Variants in ZNF22 observed in about 807,000 individuals in gnomAD.
ZNF22 encodes the protein zinc finger protein 22, also known as krox-26 protein.
In ZNF22, 15 loss-of-function variants were observed where a neutral mutation model predicts 17.0. That is an observed-to-expected ratio of 0.88 (90% confidence interval 0.59 to 1.36). The LOEUF (loss-of-function observed/expected upper bound fraction) is 1.36. Among genes scored for constraint, ZNF22 ranks in the 40% most tolerant of loss-of-function variants. The pLI, the probability that ZNF22 is intolerant of heterozygous loss-of-function variation, is 0.00. For missense variants in ZNF22, 272 were observed against 276.1 expected (o/e 0.98, Z 0.11); for synonymous variants, 84 against 90.7 (o/e 0.93, Z 0.42).
At chr10:45,002,446 C>T (rs1020353556) in intron 1 of ZNF22, 3 of 152,132 alleles carry the variant, frequency 2.0e-5, no homozygotes, top group African/African-American at 7.2e-5. Context: ...TCATTTTCTC[C>T]CCCCTCTCCT....
chr10:45,003,541 CTGAATGTGAAAAGAGTT>C lies in ZNF22; in HGVS notation c.175_191del (p.Glu59GlnfsTer20). ...TTGGATGACAAACCCTATAAATGTACTGAATGTGAAAAGAGTTTCAGTCAGAGTTCAACTCTTTTTCA... is the reference window on the plus strand; with the variant it reads ...TTGGATGACAAACCCTATAAATGTACTCAGTCAGAGTTCAACTCTTTTTCA... On this transcript the variant is annotated frameshift_variant, in exon 2 of 2. Coordinates refer to ENST00000298299, the MANE Select transcript of ZNF22 (RefSeq NM_006963.5). LOFTEE classifies it high-confidence loss of function. The C allele has an allele frequency of 6.2e-7, 1 of 1,614,230 alleles. No individual in the cohort carries two copies. The highest frequency in any genetic ancestry group is 8.5e-7 in the Non-Finnish European group (1 of 1,180,022).
In ZNF22 at chr10:45,003,674, A is replaced by C. The variant is rs146334981; in HGVS notation, c.306A>C (p.Arg102=). The change falls in exon 2 of 2, where the codon CGA becomes CGC. Residue 102 remains arginine (R), a synonymous_variant. Transcript: ENST00000298299. ...AGAGTTCTAATCTCATTCAGCATCGACGGATCCATACGGGGGAAAAGCCCT... is the reference window on the plus strand; with the variant it reads ...AGAGTTCTAATCTCATTCAGCATCGCCGGATCCATACGGGGGAAAAGCCCT... The part of the protein sequence containing the change: ...FFQSSNLIQH[R]RIHTGEKPYK... The C allele has an allele frequency of 3.1e-6, 5 of 1,614,250 alleles. No homozygotes were observed. The highest frequency in any genetic ancestry group is 4.2e-6 in the Non-Finnish European group (5 of 1,180,050).
At position 45,004,096 on chromosome 10, in the gene ZNF22, A is replaced by G. The variant is rs1842355365; in HGVS notation, c.*53A>G. ...GACCTCTTAAGAAAAAATAAAAAGTAAAAAATGAAAGGAATCTTTTTTAGA... is the reference window on the plus strand; with the variant it reads ...GACCTCTTAAGAAAAAATAAAAAGTGAAAAATGAAAGGAATCTTTTTTAGA... On this transcript the variant is annotated 3_prime_UTR_variant, in exon 2 of 2. Coordinates refer to ENST00000298299, the MANE Select transcript of ZNF22 (RefSeq NM_006963.5). 1 of 1,509,386 alleles carries G rather than the reference A, an allele frequency of 6.6e-7. No individual in the cohort carries two copies. Among genetic ancestry groups the G allele is most frequent in the South Asian group, 1.3e-5 (1 of 74,278 alleles). 93.5% of individuals were successfully genotyped at this position (1,509,386 alleles called of 1,614,324 possible).
At position 45,004,891 on chromosome 10, in the gene ZNF22, A is replaced by G. The variant is rs542047489; in HGVS notation, c.*848A>G. Reference sequence around the variant, plus strand: ...TCTTCTGGCATTCTCCTGTGCTCTGACAAACTGAGCCAGCCTTTTAGATCT... The same window carrying G: ...TCTTCTGGCATTCTCCTGTGCTCTGGCAAACTGAGCCAGCCTTTTAGATCT... On this transcript the variant is annotated 3_prime_UTR_variant, in exon 2 of 2. Transcript: ENST00000298299. The G allele has an allele frequency of 6.0e-6, 1 of 167,168 alleles. No individual in the cohort carries two copies. The highest frequency in any genetic ancestry group is 1.9e-4 in the East Asian group (1 of 5,192). The allele number at this position is 167,168 out of a possible 1,614,324, so 10.4% of individuals were successfully genotyped here.
chr10:45,003,824 C>G lies in ZNF22; in HGVS notation c.456C>G (p.Ser152=), dbSNP rs3740092. 0.049 allele frequency: 78,713 copies of G among 1,614,094 alleles called. 2,148 individuals are homozygous for G. Among genetic ancestry groups the G allele is most frequent in the East Asian group, 0.08 (3,591 of 44,872 alleles). ...DECGRCFSQS[S]HLIQHQRTHT... is the part of the protein sequence containing the mutation. Reference sequence around the variant, plus strand: ...GTGGCCGGTGTTTCAGCCAGAGCTCCCACCTTATTCAACATCAGAGAACCC... The same window carrying G: ...GTGGCCGGTGTTTCAGCCAGAGCTCGCACCTTATTCAACATCAGAGAACCC... Residue 152 remains serine (S), a synonymous_variant, in exon 2 of 2, where the codon TCC becomes TCG. Coordinates refer to ENST00000298299, the MANE Select transcript of ZNF22 (RefSeq NM_006963.5).
intron 1 of ZNF22, 51 bp downstream of exon 1, chr10:45,001,029 G>A (rs1320458477): frequency 8.0e-6 from 2 of 250,226 alleles, no homozygotes; most frequent in African/African-American, 2.3e-5. Flanking sequence ...TCGGATACTC[G>A]GGTCCGCTCG....
In ZNF22 at chr10:45,003,405, A is replaced by C. The variant is rs1245279731; in HGVS notation, c.37A>C (p.Ser13Arg). The C allele has an allele frequency of 6.2e-7, 1 of 1,610,878 alleles. No individual in the cohort carries two copies. Among genetic ancestry groups the C allele is most frequent in the Non-Finnish European group, 8.5e-7 (1 of 1,178,528 alleles). ...LAKPKAGISR[S>R]SSQGKAYENK... ...AAAGCCTAAAGCGGGTATTTCTCGG[A>C]GCTCAAGCCAAGGAAAGGCCTATGA... The change falls in exon 2 of 2, where the codon AGC (serine) becomes CGC (arginine). Residue 13 changes from serine to arginine, a missense_variant. Coordinates refer to ENST00000298299, the MANE Select transcript of ZNF22 (RefSeq NM_006963.5).
chr10:45,003,048 CAGTCAAAATTTGGTGATATTTGTTA>C (rs1022909317), intron 1 of ZNF22: 8 of 213,720 alleles, frequency 3.7e-5, no homozygotes, highest in African/African-American at 1.8e-4. Context: ...GTGGTAAACT[CAGTCAAAATTTGGTGATATTTGTTA>C]AGCTTAAACT....
At position 45,005,126 on chromosome 10, in the gene ZNF22, AGGAGTCC is replaced by A. The variant is rs764159689; in HGVS notation, c.*1086_*1092del. 5.3e-4 allele frequency: 88 copies of A among 167,098 alleles called. No individual in the cohort carries two copies. The highest frequency in any genetic ancestry group is 1.2e-3 in the Admixed American group (18 of 15,314). The allele number at this position is 167,098 out of a possible 1,614,324, so 10.4% of individuals were successfully genotyped here. A position where few individuals can be genotyped will look rare whatever the true frequency, so the allele number is the denominator to read the frequency against. ...TTTCTGTGTTACATGAATTGTTTTA[AGGAGTCC>A]GGCAAACATGTTTCTTCACTTCCAT... On this transcript the variant is annotated 3_prime_UTR_variant, in exon 2 of 2. Transcript: ENST00000298299.
rs148806171 is a variant in ZNF22, at chr10:45,003,890, A to T, written c.522A>T (p.Lys174Asn). Residue 174 changes from lysine (K) to asparagine (N), a missense_variant, in exon 2 of 2, where the codon AAA (lysine) becomes AAT (asparagine). Coordinates refer to ENST00000298299, the MANE Select transcript of ZNF22 (RefSeq NM_006963.5). ...CCTACCAGTGCAGTGAATGTGGCAA[A>T]TGTTTCAGTCAGAGCTCTCATCTGA... is the stretch of plus-strand genomic sequence containing the variant. The part of the protein sequence containing the change: ...EKPYQCSECG[K>N]CFSQSSHLRQ... 1.2e-6 allele frequency: 2 copies of T among 1,614,164 alleles called. No individual in the cohort carries two copies. Among genetic ancestry groups the T allele is most frequent in the Admixed American group, 3.3e-5 (2 of 60,026 alleles).
In ZNF22 at chr10:45,003,392, G is replaced by T. The variant is rs775772318; in HGVS notation, c.24G>T (p.Ala8=). ...CCATGAGGTTAGCAAAGCCTAAAGC[G>T]GGTATTTCTCGGAGCTCAAGCCAAG... MRLAKPK[A]GISRSSSQGK... The change falls in exon 2 of 2, where the codon GCG becomes GCT. Residue 8 remains alanine, a synonymous_variant. Transcript: ENST00000298299. 6.2e-7 allele frequency: 1 copy of T among 1,609,330 alleles called. No homozygotes were observed. The highest frequency in any genetic ancestry group is 1.1e-5 in the South Asian group (1 of 90,478).
rs772961882 is a variant in ZNF22, at chr10:45,004,592, A to T, written c.*549A>T. 1.8e-5 allele frequency: 3 copies of T among 167,066 alleles called. No individual in the cohort carries two copies. The highest frequency in any genetic ancestry group is 2.9e-5 in the Non-Finnish European group (2 of 68,454). The allele number at this position is 167,066 out of a possible 1,614,324, so 10.3% of individuals were successfully genotyped here. ...AATGTATTCAAGCTCACAGATTTTT[A>T]ATCAGTAAGGCCTATCTATATTAGT... On this transcript the variant is annotated 3_prime_UTR_variant, in exon 2 of 2. Coordinates refer to ENST00000298299, the MANE Select transcript of ZNF22 (RefSeq NM_006963.5).
At position 45,000,971 on chromosome 10, in the gene ZNF22, C is replaced by A; in HGVS notation, c.-97C>A. 1.2e-6 allele frequency: 1 copy of A among 842,544 alleles called. No individual in the cohort carries two copies. Among genetic ancestry groups the A allele is most frequent in the Non-Finnish European group, 1.5e-6 (1 of 647,008 alleles). The allele number at this position is 842,544 out of a possible 1,614,324, so 52.2% of individuals were successfully genotyped here. A position where few individuals can be genotyped will look rare whatever the true frequency, so the allele number is the denominator to read the frequency against. On this transcript the variant is annotated 5_prime_UTR_variant, in exon 1 of 2. Transcript: ENST00000298299. ...CCAGCGAGCCAGAGTGGTGGCTGGT[C>A]CCGCGCGGTGAGTGGGATTGGGGCA...
At chr10:45,001,234 G>A (rs1370700922) in intron 1 of ZNF22, among the ~76,000 whole-genome samples, 1 of 151,620 alleles carries the variant, frequency 6.6e-6, no homozygotes, top group Non-Finnish European at 1.5e-5. Flanking sequence ...CGGGAGGCTT[G>A]GACTGGGGGC....
At position 45,003,754 on chromosome 10, in the gene ZNF22, A is replaced by G; in HGVS notation, c.386A>G (p.His129Arg). Residue 129 changes from histidine (H) to arginine (R), a missense_variant, in exon 2 of 2, where the codon CAC becomes CGC. Coordinates refer to ENST00000298299, the MANE Select transcript of ZNF22 (RefSeq NM_006963.5). Reference protein sequence around the residue: ...SFKQSSNLIQHQRIHTGEKPY... With the variant: ...SFKQSSNLIQRQRIHTGEKPY... ...AAACAGAGCTCAAATCTCATTCAGC[A>G]CCAGAGAATTCATACTGGAGAAAAA... is the stretch of plus-strand genomic sequence containing the variant. 6.2e-7 allele frequency: 1 copy of G among 1,614,202 alleles called. No individual in the cohort carries two copies. Among genetic ancestry groups the G allele is most frequent in the Non-Finnish European group, 8.5e-7 (1 of 1,180,040 alleles).
Position 45,003,618 on chromosome 10 carries a change from A to G in ZNF22, c.250A>G (p.Lys84Glu). Residue 84 changes from lysine (K) to glutamate (E), a missense_variant, in exon 2 of 2, where the codon AAA becomes GAA. Lys to Glu is a moderately conservative substitution (Grantham distance 56). Coordinates refer to ENST00000298299, the MANE Select transcript of ZNF22 (RefSeq NM_006963.5). ...QKIHTGKKSH[K>E]CADCGKSFFQ... ...GATCCATACTGGAAAGAAATCCCAT[A>G]AATGTGCTGATTGTGGGAAAAGTTT... 6.2e-7 allele frequency: 1 copy of G among 1,614,240 alleles called. No individual in the cohort carries two copies. Among genetic ancestry groups the G allele is most frequent in the Non-Finnish European group, 8.5e-7 (1 of 1,180,046 alleles).
intron 1 of ZNF22, among the ~76,000 whole-genome samples, chr10:45,001,776 T>C (rs1201269932): frequency 6.6e-6 from 1 of 152,206 alleles, no homozygotes; most frequent in Non-Finnish European, 1.5e-5. Context: ...CATACTAGTA[T>C]GATTGCCTCA....
rs1474437813 is a variant in ZNF22, at chr10:45,003,520, A to G, written c.152A>G (p.Asp51Gly). 1 of 1,614,294 alleles carries G rather than the reference A, an allele frequency of 6.2e-7. No individual in the cohort carries two copies. The highest frequency in any genetic ancestry group is 8.5e-7 in the Non-Finnish European group (1 of 1,180,052). The change falls in exon 2 of 2, where the codon GAT (aspartate) becomes GGT (glycine). Residue 51 changes from aspartate to glycine, a missense_variant. Coordinates refer to ENST00000298299, the MANE Select transcript of ZNF22 (RefSeq NM_006963.5). ...SSFSRLRRSL[D>G]DKPYKCTECE... ...TTCAGTAGACTCAGAAGAAGCTTGG[A>G]TGACAAACCCTATAAATGTACTGAA...
In ZNF22 at chr10:45,004,773, A is replaced by G. The variant is rs11494; in HGVS notation, c.*730A>G. On this transcript the variant is annotated 3_prime_UTR_variant, in exon 2 of 2. Transcript: ENST00000298299. The stretch of plus-strand genomic sequence containing the variant: ...ATTGGACCTCAAGTCTTCTATTCCT[A>G]CTAATAGAGTTCTTTGTGATGGTAA... 0.18 allele frequency: 30,621 copies of G among 166,938 alleles called. 5,225 individuals carry two copies. Among genetic ancestry groups the G allele is most frequent in the African/African-American group, 0.46 (18,910 of 41,444 alleles). The allele number at this position is 166,938 out of a possible 1,614,324, so 10.3% of individuals were successfully genotyped here. A position where few individuals can be genotyped will look rare whatever the true frequency, so the allele number is the denominator to read the frequency against.
Sources: allele counts gnomAD v4.1 joint callset (sites outside exome capture counted in the v4.1 genomes callset), GRCh38; gene constraint gnomAD v4.1.1; transcripts MANE v1.5; gene names NCBI Gene and HGNC (gene_info 2026-07-23, HGNC 2026-07-21).